Variants in DRG1 observed in about 807,000 individuals in gnomAD.
The protein encoded by DRG1 is developmentally-regulated GTP-binding protein 1.
DRG1 carries 19 observed loss-of-function variants against 38.8 expected under a neutral mutation model. That is an observed-to-expected ratio of 0.49 (90% CI 0.34 to 0.72). The LOEUF is 0.72. DRG1 is among the 30% of genes least tolerant of loss of function. The pLI, the probability that DRG1 is intolerant of heterozygous loss-of-function variation, is 0.01. For synonymous variants in DRG1, 167 were observed against 157.5 expected (o/e 1.06, Z -0.45); for missense variants, 299 against 444.8 (o/e 0.67, Z 2.95).
Position 31,402,730 on chromosome 22 carries a change from G to A in DRG1, c.167-299G>A, listed in dbSNP as rs1213466484. 5.3e-5 allele frequency among the ~76,000 whole-genome samples: 8 copies of A among 152,078 alleles called. No homozygotes were observed. The East Asian group carries it at 1.5e-3, about 29-fold the overall frequency. ...TTGCCATGTTGCTCAGGCTTGACCT[G>A]AATTCTTGGACTCAAGAGATCCTCC... On this transcript the variant is annotated intron_variant, in intron 2 of 8. Coordinates refer to ENST00000331457, the MANE Select transcript of DRG1 (RefSeq NM_004147.4).
In DRG1 at chr22:31,400,750, G is replaced by C. The variant is rs1555897657; in HGVS notation, c.166+7G>C. 3 of 1,609,404 alleles carry C rather than the reference G, an allele frequency of 1.9e-6. No homozygotes were observed. The South Asian group carries it at 3.3e-5, about 18-fold the overall frequency. ...GGTGGAGGTCCAGGAGAAGGTTTGTGTTCTTCTTCAATATATATATTTTTA... is the reference window on the plus strand; with the variant it reads ...GGTGGAGGTCCAGGAGAAGGTTTGTCTTCTTCTTCAATATATATATTTTTA... On this transcript the variant is annotated splice_region_variant and intron_variant, in intron 2 of 8. Coordinates refer to ENST00000331457, the MANE Select transcript of DRG1 (RefSeq NM_004147.4).
At chr22:31,424,594 G>A (rs1569050679) in intron 6 of DRG1, among the ~76,000 whole-genome samples, 1 of 146,970 alleles carries the variant, frequency 6.8e-6, no homozygotes, top group Non-Finnish European at 1.5e-5. Flanking sequence ...CACCTCCTGG[G>A]TTCAAGTGAT....
At chr22:31,427,903 A>C (rs905445595) in intron 8 of DRG1, among the ~76,000 whole-genome samples, 1 of 151,750 alleles carries the variant, frequency 6.6e-6, no homozygotes, top group Non-Finnish European at 1.5e-5. Flanking sequence ...ATGCCCAGCT[A>C]ATTTTGTATT....
At position 31,434,321 on chromosome 22, in the gene DRG1, T is replaced by C. The variant is rs2050160283; in HGVS notation, c.*350T>C. The C allele has an allele frequency of 4.3e-6, 1 of 230,526 alleles. No homozygotes were observed. The highest frequency in any genetic ancestry group is 6.2e-5 in the South Asian group (1 of 16,122). The allele number at this position is 230,526 out of a possible 1,614,324, so 14.3% of individuals were successfully genotyped here. ...ATGGATAAAAATATGACATGCTGCA[T>C]CTTACTTGATGTTTACTTATGGGAA... On this transcript the variant is annotated 3_prime_UTR_variant, in exon 9 of 9. Transcript: ENST00000331457.
chr22:31,419,628 G>C (rs974854859), intron 4 of DRG1, among the ~76,000 whole-genome samples: 1 of 152,146 alleles, frequency 6.6e-6, no homozygotes, highest in African/African-American at 2.4e-5. Flanking sequence ...GTAGGTGATG[G>C]AAATATTCCA....
chr22:31,406,615 C>T (rs1242674908), intron 3 of DRG1, among the ~76,000 whole-genome samples: 1 of 151,168 alleles, frequency 6.6e-6, no homozygotes, highest in African/African-American at 2.4e-5. Context: ...GCAGATGTTG[C>T]AGTGAGCCGA....
At chr22:31,428,078 C>G (rs1286390308) in intron 8 of DRG1, among the ~76,000 whole-genome samples, 1 of 152,148 alleles carries the variant, frequency 6.6e-6, no homozygotes, top group East Asian at 1.9e-4. Flanking sequence ...TCTTGAATTC[C>G]TGAGCTCGAG....
intron 3 of DRG1, among the ~76,000 whole-genome samples, chr22:31,405,394 C>T (rs551192692): frequency 6.6e-6 from 1 of 152,218 alleles, no homozygotes; most frequent in South Asian, 2.1e-4. Flanking sequence ...TCTTGAACTC[C>T]TGACCTTGTG....
rs55676866 is a variant in DRG1 at position 31,433,989 on chromosome 22, A to G, written c.*18A>G. On this transcript the variant is annotated 3_prime_UTR_variant, in exon 9 of 9. Transcript: ENST00000331457. ...AGAAGTGAAACCTTTCCCTTTTCCC[A>G]TCTGCCGGACGAACCACAACAGCGT... The G allele has an allele frequency of 1.5e-3, 2,339 of 1,610,740 alleles. 6 individuals carry two copies. Among genetic ancestry groups the G allele is most frequent in the Middle Eastern group, 3.1e-3 (19 of 6,046 alleles).
chr22:31,424,777 A>G (rs2050099187), intron 6 of DRG1, among the ~76,000 whole-genome samples: 1 of 116,720 alleles, frequency 8.6e-6, no homozygotes, highest in Non-Finnish European at 1.7e-5. Flanking sequence ...GATTACAGGT[A>G]TGAGCTGCTG....
At chr22:31,418,775 G>A (rs895840694) in intron 4 of DRG1, among the ~76,000 whole-genome samples, 1 of 152,016 alleles carries the variant, frequency 6.6e-6, no homozygotes, top group Non-Finnish European at 1.5e-5. Context: ...TCTGCCTCCC[G>A]GGTTTAAGAG....
intron 4 of DRG1, among the ~76,000 whole-genome samples, chr22:31,419,997 T>C (rs1356823230): frequency 6.6e-6 from 1 of 152,090 alleles, no homozygotes; most frequent in Admixed American, 6.6e-5. Context: ...AAGCCAAGAT[T>C]GTGCCACTGC....
intron 8 of DRG1, 140 bp downstream of exon 8, chr22:31,427,322 G>A: frequency 1.7e-6 from 2 of 1,174,596 alleles, no homozygotes; most frequent in Non-Finnish European, 2.3e-6. Flanking sequence ...ACTCTGCAGT[G>A]TCTTCTTAAA....
intron 1 of DRG1, among the ~76,000 whole-genome samples, chr22:31,399,964 C>T (rs2049951742): frequency 6.6e-6 from 1 of 152,138 alleles, no homozygotes; most frequent in African/African-American, 2.4e-5. Flanking sequence ...TGCCCGGGCC[C>T]GCGTTCCGCA....
In DRG1 at chr22:31,427,217, C is replaced by T. The variant is rs765101753; in HGVS notation, c.1004+35C>T. 3.1e-6 allele frequency: 5 copies of T among 1,605,246 alleles called. No individual in the cohort carries two copies. The African/African-American group carries it at 6.7e-5, about 22-fold the overall frequency. On this transcript the variant is annotated intron_variant, in intron 8 of 8. Transcript: ENST00000331457. The stretch of plus-strand genomic sequence containing the variant: ...ATGGGCCTGTGGTCCCTCCTTTTTC[C>T]TATGAGTTACCAATTTTACTAACTA...
At chr22:31,430,745 C>T (rs976479085) in intron 8 of DRG1, among the ~76,000 whole-genome samples, 11 of 151,856 alleles carry the variant, frequency 7.2e-5, no homozygotes, top group Admixed American at 2.6e-4. Flanking sequence ...ATTTTTGAGA[C>T]AGGTTCTCTG....
chr22:31,416,969 G>GT (rs2050047820), intron 4 of DRG1, among the ~76,000 whole-genome samples: 1 of 151,676 alleles, frequency 6.6e-6, no homozygotes, highest in Non-Finnish European at 1.5e-5. Context: ...GGAGGCTGAG[G>GT]TAGGAGGTTC....
Position 31,399,641 on chromosome 22 carries a change from G to T in DRG1, c.-43G>T. On this transcript the variant is annotated 5_prime_UTR_variant, in exon 1 of 9. Transcript: ENST00000331457. ...TGGCGGTGGCAGTTTGCCCGCGGGTGTGTGAAGGGAGACAGTGTGGAGGCC... is the reference window on the plus strand; with the variant it reads ...TGGCGGTGGCAGTTTGCCCGCGGGTTTGTGAAGGGAGACAGTGTGGAGGCC... 6.2e-7 allele frequency: 1 copy of T among 1,613,964 alleles called. No individual in the cohort carries two copies.
chr22:31,431,277 G>C (rs2050138128), intron 8 of DRG1, among the ~76,000 whole-genome samples: 1 of 151,786 alleles, frequency 6.6e-6, no homozygotes, highest in Admixed American at 6.6e-5. Context: ...CTCGTGATCT[G>C]TCCACCTCGG....
Sources: allele counts gnomAD v4.1 joint callset (sites outside exome capture counted in the v4.1 genomes callset), GRCh38; gene constraint gnomAD v4.1.1; transcripts MANE v1.5; gene names NCBI Gene and HGNC (gene_info 2026-07-23, HGNC 2026-07-21).